Variants in KCNIP4 observed in about 807,000 individuals in gnomAD.
KCNIP4 encodes the protein potassium voltage-gated channel interacting protein 4.
Under a neutral mutation model 34.0 loss-of-function variants are expected in KCNIP4, and 12 were observed. The ratio of observed to expected loss-of-function variants is 0.35; its 90% CI spans 0.23 to 0.57. The LOEUF (loss-of-function observed/expected upper bound fraction) is 0.57, where lower values mean the gene tolerates loss of function less well. Among genes scored for constraint, KCNIP4 ranks in the 20% least tolerant of loss-of-function variants. The probability of loss-of-function intolerance (pLI) is 0.83; values close to 1 mark genes in which losing one functional copy is unlikely to be tolerated. For synonymous variants in KCNIP4, 124 were observed against 102.2 expected (o/e 1.21, Z -1.29); for missense variants, 238 against 311.7 (o/e 0.76, Z 1.78).
At chr4:21,527,987 A>G (rs1171231524) in intron 1 of KCNIP4, among the ~76,000 whole-genome samples, 1 of 152,102 alleles carries the variant, frequency 6.6e-6, no homozygotes, top group Non-Finnish European at 1.5e-5. Context: ...GAAAAATTTT[A>G]TGTATTCCTT....
At chr4:21,270,986 C>CAA (rs370059673) in intron 1 of KCNIP4, among the ~76,000 whole-genome samples, 24 of 111,370 alleles carry the variant, frequency 2.2e-4, no homozygotes, top group Non-Finnish European at 3.8e-4. Flanking sequence ...TCCCTGTCCC[C>CAA]AAAAAAAAAA....
chr4:21,661,598 G>C (rs530874099), intron 1 of KCNIP4, among the ~76,000 whole-genome samples: 1 of 152,292 alleles, frequency 6.6e-6, no homozygotes, highest in South Asian at 2.1e-4. Flanking sequence ...AGAGGTAGTT[G>C]TTATTACATC....
At chr4:21,404,896 T>C (rs996190197) in intron 1 of KCNIP4, among the ~76,000 whole-genome samples, 1 of 152,214 alleles carries the variant, frequency 6.6e-6, no homozygotes, top group African/African-American at 2.4e-5. Context: ...AGCTTTATAA[T>C]TGACAAAAAT....
chr4:21,612,101 T>C (rs1744205404), intron 1 of KCNIP4, among the ~76,000 whole-genome samples: 1 of 152,212 alleles, frequency 6.6e-6, no homozygotes, highest in Admixed American at 6.5e-5. Flanking sequence ...AGAGTTAGAA[T>C]TGAATGTTTG....
At chr4:21,278,444 C>A (rs1050811220) in intron 1 of KCNIP4, among the ~76,000 whole-genome samples, 2 of 152,106 alleles carry the variant, frequency 1.3e-5, no homozygotes, top group Non-Finnish European at 2.9e-5. Context: ...TAAGTGAGAA[C>A]ATGTGGTAAT....
chr4:21,017,777 A>G (rs6821298), intron 1 of KCNIP4, among the ~76,000 whole-genome samples: 25,698 of 152,120 alleles, frequency 0.17, 2,366 homozygotes, highest in African/African-American at 0.23. Flanking sequence ...ACTGTCTTCT[A>G]TGATGGTTGA....
chr4:21,841,742 A>G (rs1372906501), intron 1 of KCNIP4, among the ~76,000 whole-genome samples: 9 of 152,212 alleles, frequency 5.9e-5, no homozygotes, highest in Non-Finnish European at 1.0e-4. Context: ...CAGGGTGTCA[A>G]AAATCCTAAA....
rs549915329 is a variant in KCNIP4 at position 20,730,236 on chromosome 4, A to G, written c.706-107T>C. 6.5e-5 allele frequency: 87 copies of G among 1,345,124 alleles called. No homozygotes were observed. In the African/African-American group the frequency reaches 1.1e-3, roughly 17 times the overall value. The allele number at this position is 1,345,124 out of a possible 1,614,324, so 83.3% of individuals were successfully genotyped here. On this transcript the variant is annotated intron_variant, in intron 8 of 8. Transcript: ENST00000382152. ...CTCCCATCAACCACCTCAACCACCTATGCCAAAAGCTCAAATATTAAGTGT... is the reference window on the plus strand; with the variant it reads ...CTCCCATCAACCACCTCAACCACCTGTGCCAAAAGCTCAAATATTAAGTGT...
chr4:21,105,418 A>G (rs1480735712), intron 1 of KCNIP4, among the ~76,000 whole-genome samples: 2 of 151,640 alleles, frequency 1.3e-5, no homozygotes, highest in African/African-American at 4.9e-5. Flanking sequence ...GGTGTATAAG[A>G]ATGCTTGTGA....
chr4:21,737,163 G>A (rs913388601), intron 1 of KCNIP4, among the ~76,000 whole-genome samples: 7 of 152,216 alleles, frequency 4.6e-5, no homozygotes, highest in South Asian at 2.1e-4. Flanking sequence ...TCTCACCCTC[G>A]GGTGTAGTCA....
chr4:21,217,213 T>C (rs1199563383), intron 1 of KCNIP4, among the ~76,000 whole-genome samples: 1 of 152,242 alleles, frequency 6.6e-6, no homozygotes, highest in Non-Finnish European at 1.5e-5. Context: ...CTTGACCTAC[T>C]GTTAATATTT....
At chr4:21,817,124 T>A (rs953538874) in intron 1 of KCNIP4, among the ~76,000 whole-genome samples, 1 of 152,110 alleles carries the variant, frequency 6.6e-6, no homozygotes, top group African/African-American at 2.4e-5. Context: ...CATATTAAGA[T>A]CCCTGCCCAT....
chr4:21,375,397 G>C (rs1720870244), intron 1 of KCNIP4, among the ~76,000 whole-genome samples: 1 of 152,058 alleles, frequency 6.6e-6, no homozygotes, highest in East Asian at 1.9e-4. Flanking sequence ...TATTTTCTGA[G>C]CCTCAGTTTC....
intron 1 of KCNIP4, among the ~76,000 whole-genome samples, chr4:20,971,416 G>A (rs896544788): frequency 4.6e-5 from 7 of 152,012 alleles, no homozygotes; most frequent in Non-Finnish European, 1.0e-4. Flanking sequence ...ATACCTCAAA[G>A]ATCATGTGGG....
intron 1 of KCNIP4, among the ~76,000 whole-genome samples, chr4:21,036,631 C>G (rs566251930): frequency 6.6e-6 from 1 of 152,280 alleles, no homozygotes; most frequent in African/African-American, 2.4e-5. Context: ...GAGGCTGAGG[C>G]AGTACAATTG....
intron 1 of KCNIP4, among the ~76,000 whole-genome samples, chr4:21,200,065 T>C (rs1019991517): frequency 4.0e-5 from 6 of 151,814 alleles, no homozygotes; most frequent in African/African-American, 1.2e-4. Context: ...CGGGGAGGGA[T>C]AGCATTAGGA....
At chr4:21,804,479 C>T (rs1721181509) in intron 1 of KCNIP4, among the ~76,000 whole-genome samples, 1 of 152,090 alleles carries the variant, frequency 6.6e-6, no homozygotes, top group Non-Finnish European at 1.5e-5. Flanking sequence ...TTTCTTTTTC[C>T]TCACTAATAA....
At chr4:20,779,517 C>T (rs1560459191) in intron 3 of KCNIP4, among the ~76,000 whole-genome samples, 1 of 149,678 alleles carries the variant, frequency 6.7e-6, no homozygotes, top group Non-Finnish European at 1.5e-5. Context: ...ACTGGCTTCT[C>T]AAAATATATT....
intron 1 of KCNIP4, among the ~76,000 whole-genome samples, chr4:21,564,489 G>C (rs1345338335): frequency 6.6e-6 from 1 of 152,060 alleles, no homozygotes; most frequent in East Asian, 1.9e-4. Context: ...CCTTCTATTT[G>C]CTCTTTACAT....
Sources: gnomAD v4.1 joint callset for allele counts (sites outside exome capture counted in the v4.1 genomes callset) on GRCh38, gnomAD v4.1.1 for gene constraint, MANE v1.5 for transcripts, NCBI Gene and HGNC (gene_info 2026-07-23, HGNC 2026-07-21) for gene names.